FRAS1: variants seen among roughly 807,000 people sequenced by gnomAD.
FRAS1 encodes the protein Fraser extracellular matrix complex subunit 1.
In FRAS1, 290 loss-of-function variants were observed where a neutral mutation model predicts 435.2. The ratio of observed to expected loss-of-function variants is 0.67; its 90% CI spans 0.61 to 0.73. The LOEUF (loss-of-function observed/expected upper bound fraction) is 0.73. Among genes scored for constraint, FRAS1 ranks in the 30% least tolerant of loss-of-function variants. The probability of loss-of-function intolerance (pLI) is 0.00; values close to 1 mark genes in which losing one functional copy is unlikely to be tolerated. For synonymous variants in FRAS1, 1,800 were observed against 1,851.0 expected (o/e 0.97, Z 0.71); for missense variants, 4,860 against 5,001.5 (o/e 0.97, Z 0.85).
intron 22 of FRAS1, among the ~76,000 whole-genome samples, chr4:78,368,735 T>C (rs1305516044): frequency 1.3e-5 from 2 of 152,148 alleles, no homozygotes; most frequent in African/African-American, 2.4e-5. Flanking sequence ...TGTTTTAGAA[T>C]AGAAAGTTAA....
chr4:78,529,869 G>A (rs1291788857), intron 70 of FRAS1, among the ~76,000 whole-genome samples: 1 of 152,100 alleles, frequency 6.6e-6, no homozygotes, highest in East Asian at 1.9e-4. Flanking sequence ...TTTATTTCTG[G>A]AATTTTTTGT....
chr4:78,338,354 C>A (rs1369733736), intron 20 of FRAS1, among the ~76,000 whole-genome samples: 3 of 151,678 alleles, frequency 2.0e-5, no homozygotes, highest in Non-Finnish European at 4.4e-5. Flanking sequence ...ATGTTGGAAC[C>A]AGACATCATT....
chr4:78,347,026 C>T (rs1169308870), intron 20 of FRAS1, among the ~76,000 whole-genome samples: 1 of 152,170 alleles, frequency 6.6e-6, no homozygotes, highest in East Asian at 1.9e-4. Flanking sequence ...GTGATAATCC[C>T]CTCCAGATCC....
intron 2 of FRAS1, among the ~76,000 whole-genome samples, chr4:78,228,845 C>T (rs1462125343): frequency 6.6e-6 from 1 of 152,162 alleles, no homozygotes; most frequent in African/African-American, 2.4e-5. Context: ...AATACAAGTA[C>T]ATTAACTTAT....
At chr4:78,134,376 G>A (rs899865867) in intron 2 of FRAS1, among the ~76,000 whole-genome samples, 8 of 151,954 alleles carry the variant, frequency 5.3e-5, no homozygotes, top group Non-Finnish European at 1.0e-4. Context: ...TTATTTTCCT[G>A]TCACTTGTCT....
chr4:78,473,965 G>A (rs111681143), intron 53 of FRAS1, among the ~76,000 whole-genome samples: 17 of 152,288 alleles, frequency 1.1e-4, no homozygotes, highest in Middle Eastern at 3.4e-3. Context: ...CTCTACTGCT[G>A]CTCAGACAAA....
At chr4:78,149,269 C>T (rs923119699) in intron 2 of FRAS1, among the ~76,000 whole-genome samples, 14 of 152,172 alleles carry the variant, frequency 9.2e-5, no homozygotes, top group Non-Finnish European at 1.6e-4. Context: ...GGCTTAATAT[C>T]TGACTTTTGT....
intron 20 of FRAS1, among the ~76,000 whole-genome samples, chr4:78,361,376 G>C (rs1384450199): frequency 6.6e-6 from 1 of 152,200 alleles, no homozygotes; most frequent in East Asian, 1.9e-4. Context: ...GGATTAATTT[G>C]GGTCTCAGGA....
intron 14 of FRAS1, among the ~76,000 whole-genome samples, chr4:78,301,346 A>C (rs993062271): frequency 1.3e-5 from 2 of 151,976 alleles, no homozygotes; most frequent in Non-Finnish European, 2.9e-5. Flanking sequence ...ATTCTGCAAA[A>C]GTGCTAAAGT....
chr4:78,441,071 G>A, intron 40 of FRAS1, 91 bp from the exon 41 acceptor site: 1 of 1,316,472 alleles, frequency 7.6e-7, no homozygotes, highest in Non-Finnish European at 1.1e-6. Context: ...GGTGCTAGAA[G>A]GTCACCCAGG....
intron 2 of FRAS1, among the ~76,000 whole-genome samples, chr4:78,200,962 A>G (rs1361068363): frequency 1.3e-5 from 2 of 148,592 alleles, no homozygotes; most frequent in African/African-American, 5.1e-5. Flanking sequence ...GGCCAAAGTG[A>G]AAATCTTTTT....
At chr4:78,265,438 G>C (rs1726302270) in intron 7 of FRAS1, among the ~76,000 whole-genome samples, 1 of 152,168 alleles carries the variant, frequency 6.6e-6, no homozygotes, top group Non-Finnish European at 1.5e-5. Flanking sequence ...CTCTGTGGAT[G>C]TTTTTCTGCT....
chr4:78,467,025 C>T lies in FRAS1; in HGVS notation c.7257+590C>T, dbSNP rs189711363. On this transcript the variant is annotated intron_variant, in intron 50 of 73. Coordinates refer to ENST00000512123, the MANE Select transcript of FRAS1 (RefSeq NM_025074.7). ...ATATGGGCATACAATGTTTAACACT[C>T]ATATCATGGAAAATGGTGTATCCAT... Among the ~76,000 whole-genome samples, 3 of 152,296 alleles carry T rather than the reference C, an allele frequency of 2.0e-5. No homozygotes were observed. In the East Asian group the frequency reaches 5.8e-4, roughly 29 times the overall value.
At chr4:78,536,827 C>T (rs1022595216) in intron 71 of FRAS1, among the ~76,000 whole-genome samples, 168 bp from the exon 72 acceptor site, 14 of 152,098 alleles carry the variant, frequency 9.2e-5, no homozygotes, top group African/African-American at 2.2e-4. Flanking sequence ...AGAATAAAAA[C>T]GAAGCAATAA....
chr4:78,380,836 G>A (rs1731985458), intron 27 of FRAS1, among the ~76,000 whole-genome samples: 1 of 152,182 alleles, frequency 6.6e-6, no homozygotes, highest in African/African-American at 2.4e-5. Flanking sequence ...GGAGATAGGT[G>A]AGGAGAAAAG....
intron 2 of FRAS1, among the ~76,000 whole-genome samples, chr4:78,078,583 G>A (rs964312904): frequency 3.3e-5 from 5 of 151,612 alleles, no homozygotes; most frequent in African/African-American, 1.2e-4. Context: ...ATAAAGTACA[G>A]GTTTTCAAAG....
chr4:78,081,846 AC>A (rs1740911464), intron 2 of FRAS1, among the ~76,000 whole-genome samples: 1 of 151,958 alleles, frequency 6.6e-6, no homozygotes, highest in South Asian at 2.1e-4. Flanking sequence ...TTCTCAAAGA[AC>A]CCTGGTTTGT....
intron 10 of FRAS1, among the ~76,000 whole-genome samples, 188 bp downstream of exon 10, chr4:78,278,932 G>A (rs886370816): frequency 6.6e-6 from 1 of 152,158 alleles, no homozygotes; most frequent in Non-Finnish European, 1.5e-5. Context: ...TGTCTTGGTA[G>A]GGCATACTTT....
intron 59 of FRAS1, among the ~76,000 whole-genome samples, chr4:78,493,475 T>TA (rs968352742): frequency 5.6e-4 from 84 of 151,116 alleles, no homozygotes; most frequent in East Asian, 1.9e-3. Flanking sequence ...TATGCAGCTA[T>TA]AAAAAAAAAG....
Sources: gnomAD v4.1 joint callset for allele counts (sites outside exome capture counted in the v4.1 genomes callset) on GRCh38, gnomAD v4.1.1 for gene constraint, MANE v1.5 for transcripts, NCBI Gene and HGNC (gene_info 2026-07-23, HGNC 2026-07-21) for gene names.